PRKG1: variants seen among roughly 807,000 people sequenced by gnomAD.
PRKG1 encodes protein kinase cGMP-dependent 1.
Under a neutral mutation model 88.1 loss-of-function variants are expected in PRKG1, and 35 were observed. The ratio of observed to expected loss-of-function variants is 0.40; its 90% CI spans 0.30 to 0.53. The LOEUF (loss-of-function observed/expected upper bound fraction) is 0.53, where lower values mean the gene tolerates loss of function less well. Ranked by LOEUF, PRKG1 falls within the 20% of genes least tolerant of loss-of-function variation. PRKG1 has a pLI of 0.59. For synonymous variants in PRKG1, 303 were observed against 292.5 expected, an observed-to-expected ratio of 1.04 and a Z score of -0.37; for missense variants, 540 against 839.8, an observed-to-expected ratio of 0.64 and a Z score of 4.41.
chr10:51,599,506 T>A (rs1838541874), intron 3 of PRKG1, among the ~76,000 whole-genome samples: 1 of 152,190 alleles, frequency 6.6e-6, no homozygotes, highest in African/African-American at 2.4e-5. Flanking sequence ...AGAATCAAAT[T>A]ATTAGTATTG....
intron 5 of PRKG1, among the ~76,000 whole-genome samples, chr10:51,941,669 G>A (rs1466036268): frequency 7.3e-6 from 1 of 137,900 alleles, no homozygotes; most frequent in Non-Finnish European, 1.5e-5. Context: ...TGTTCTCATT[G>A]TTCAATTCCC....
intron 5 of PRKG1, among the ~76,000 whole-genome samples, chr10:51,932,859 G>A (rs569442311): frequency 3.3e-5 from 5 of 152,210 alleles, no homozygotes; most frequent in Admixed American, 3.3e-4. Context: ...TTGGAAAGGA[G>A]GTGAAGCGGG....
intron 1 of PRKG1, among the ~76,000 whole-genome samples, chr10:51,085,305 T>C (rs575595039): frequency 1.3e-5 from 2 of 152,320 alleles, no homozygotes; most frequent in East Asian, 3.9e-4. Context: ...TAGATTAGAT[T>C]TGTGCTGGTT....
At chr10:51,317,875 CCTCT>C (rs1841362762) in intron 2 of PRKG1, among the ~76,000 whole-genome samples, 1 of 150,590 alleles carries the variant, frequency 6.6e-6, no homozygotes, top group Non-Finnish European at 1.5e-5. Flanking sequence ...GCTGATTTAG[CCTCT>C]CTAACCACAG....
intron 3 of PRKG1, among the ~76,000 whole-genome samples, chr10:51,550,783 C>G (rs944434013): frequency 1.3e-5 from 2 of 151,836 alleles, no homozygotes; most frequent in Admixed American, 1.3e-4. Context: ...CCACATATAT[C>G]AAGAATTCAT....
chr10:51,523,822 C>T (rs1841800789), intron 3 of PRKG1, among the ~76,000 whole-genome samples: 1 of 152,160 alleles, frequency 6.6e-6, no homozygotes, highest in South Asian at 2.1e-4. Flanking sequence ...CAATTGTCTT[C>T]TAATAATGAT....
intron 9 of PRKG1, among the ~76,000 whole-genome samples, chr10:52,189,606 C>G (rs928611751): frequency 6.6e-6 from 1 of 152,144 alleles, no homozygotes; most frequent in Non-Finnish European, 1.5e-5. Flanking sequence ...TGAGGTGGTA[C>G]AGTTTCATCC....
chr10:51,902,761 C>T (rs965161881), intron 4 of PRKG1, among the ~76,000 whole-genome samples: 2 of 152,172 alleles, frequency 1.3e-5, no homozygotes, highest in African/African-American at 4.8e-5. Context: ...CAAGAACAAA[C>T]AAGCATGCAT....
upstream of PRKG1, among the ~76,000 whole-genome samples, chr10:51,069,587 C>T (rs1843797463): frequency 6.6e-6 from 1 of 151,932 alleles, no homozygotes; most frequent in African/African-American, 2.4e-5. Context: ...TCCGGTTGTG[C>T]ATTATTATTC....
intron 3 of PRKG1, among the ~76,000 whole-genome samples, chr10:51,532,470 C>T (rs1341118696): frequency 6.6e-6 from 1 of 152,166 alleles, no homozygotes; most frequent in African/African-American, 2.4e-5. Context: ...AGTGAATTTA[C>T]ATTATTTTAC....
intron 3 of PRKG1, among the ~76,000 whole-genome samples, chr10:51,623,291 C>T (rs1401739362): frequency 6.6e-6 from 1 of 152,226 alleles, no homozygotes. Context: ...GCCTCAACCT[C>T]CTGGGCTTAG....
intron 3 of PRKG1, among the ~76,000 whole-genome samples, chr10:51,547,924 A>C (rs1226430431): frequency 6.6e-6 from 1 of 152,142 alleles, no homozygotes; most frequent in Non-Finnish European, 1.5e-5. Flanking sequence ...TGTTCCCCAT[A>C]TTCATGCACA....
In PRKG1 at chr10:52,013,723, G is replaced by C. The variant is rs146124577; in HGVS notation, c.763-40761G>C. On this transcript the variant is annotated intron_variant, in intron 5 of 17. Transcript: ENST00000373980. ...ATTTTGACTTTAATGTGTGTTTGAAGTGGGGACCCCTTGATGAATTTTAGA... is the reference window on the plus strand; with the variant it reads ...ATTTTGACTTTAATGTGTGTTTGAACTGGGGACCCCTTGATGAATTTTAGA... Among the ~76,000 whole-genome samples, 435 of 152,334 alleles carry C rather than the reference G, an allele frequency of 2.9e-3. 1 individual carries two copies. Among genetic ancestry groups the C allele is most frequent in the Non-Finnish European group, 4.2e-3 (283 of 68,028 alleles).
Position 51,955,301 on chromosome 10 carries a change from G to A in PRKG1, c.762+47731G>A, listed in dbSNP as rs182564207. The stretch of plus-strand genomic sequence containing the variant: ...CACCAATATTTGACAGCCCTTTAAG[G>A]TTAAGGTACTATAGGTTAAGGTGCT... On this transcript the variant is annotated intron_variant, in intron 5 of 17. Coordinates refer to ENST00000373980, the MANE Select transcript of PRKG1 (RefSeq NM_006258.4). Among the ~76,000 whole-genome samples the A allele has an allele frequency of 2.3e-3, 352 of 152,118 alleles. 2 individuals are homozygous for A. The highest frequency in any genetic ancestry group is 7.8e-3 in the African/African-American group (324 of 41,486).
intron 2 of PRKG1, among the ~76,000 whole-genome samples, chr10:51,400,060 T>C (rs1317581921): frequency 6.6e-6 from 1 of 152,198 alleles, no homozygotes; most frequent in Non-Finnish European, 1.5e-5. Flanking sequence ...TAGCCAGTCA[T>C]TGTTGGTTGT....
At chr10:51,891,606 C>T (rs75417113) in intron 4 of PRKG1, among the ~76,000 whole-genome samples, 3,281 of 152,190 alleles carry the variant, frequency 0.022, 121 homozygotes, top group African/African-American at 0.075. Flanking sequence ...AATTGGACAC[C>T]GTACCTGACC....
intron 3 of PRKG1, among the ~76,000 whole-genome samples, chr10:51,611,635 A>G (rs569015337): frequency 2.0e-5 from 3 of 150,078 alleles, no homozygotes; most frequent in Non-Finnish European, 4.4e-5. Flanking sequence ...TTAATTTAAT[A>G]TAGTCCCATT....
rs574748256 is a variant in PRKG1, at chr10:51,720,434, T to C, written c.593-84151T>C. On this transcript the variant is annotated intron_variant, in intron 3 of 17. Coordinates refer to ENST00000373980, the MANE Select transcript of PRKG1 (RefSeq NM_006258.4). ...AATAACAATAATAGAAGAAAAAAAC[T>C]TTTCTGGGCTTTTACAGCCTGTCAT... Among the ~76,000 whole-genome samples the C allele has an allele frequency of 2.6e-5, 4 of 152,274 alleles. No individual in the cohort carries two copies. The South Asian group carries it at 8.3e-4, about 32-fold the overall frequency.
intron 4 of PRKG1, among the ~76,000 whole-genome samples, chr10:51,867,599 G>A (rs1200200468): frequency 1.3e-5 from 2 of 152,144 alleles, no homozygotes; most frequent in Non-Finnish European, 2.9e-5. Flanking sequence ...AGGGAAAAAG[G>A]AAGGAGTCTA....
Sources: gnomAD v4.1 joint callset for allele counts (sites outside exome capture counted in the v4.1 genomes callset) on GRCh38, gnomAD v4.1.1 for gene constraint, MANE v1.5 for transcripts, NCBI Gene and HGNC (gene_info 2026-07-23, HGNC 2026-07-21) for gene names.